Variants in AP1G1 observed in about 807,000 individuals in gnomAD.
The protein encoded by AP1G1 is AP-1 complex subunit gamma-1.
Under a neutral mutation model 108.3 loss-of-function variants are expected in AP1G1, and 7 were observed. That is an observed-to-expected ratio of 0.06 (90% CI 0.04 to 0.12). The LOEUF (loss-of-function observed/expected upper bound fraction) is 0.12. AP1G1 is among the 10% of genes least tolerant of loss of function. AP1G1 has a pLI of 1.00. For synonymous variants in AP1G1, 379 were observed against 353.5 expected, an observed-to-expected ratio of 1.07 and a Z score of -0.81; for missense variants, 756 against 1,010.7, an observed-to-expected ratio of 0.75 and a Z score of 3.42.
At position 71,749,994 on chromosome 16, in the gene AP1G1, A is replaced by T; in HGVS notation, c.1408-11T>A. 1 of 1,604,498 alleles carries T rather than the reference A, an allele frequency of 6.2e-7. No individual in the cohort carries two copies. The highest frequency in any genetic ancestry group is 8.5e-7 in the Non-Finnish European group (1 of 1,171,464). ...TTGTACCAAAGGTTGCTGTGAAAAGAAAAGTCAACGTTTCTCAAGAACTTC... is the reference window on the plus strand; with the variant it reads ...TTGTACCAAAGGTTGCTGTGAAAAGTAAAGTCAACGTTTCTCAAGAACTTC... On this transcript the variant is annotated splice_polypyrimidine_tract_variant and intron_variant, in intron 14 of 22. Coordinates refer to ENST00000299980, the MANE Select transcript of AP1G1 (RefSeq NM_001128.6).
In AP1G1 at chr16:71,729,208, T is replaced by A. The variant is rs1352574418; in HGVS notation, c.*3850A>T. The A allele has an allele frequency of 1.3e-5, 2 of 152,498 alleles. No homozygotes were observed. The highest frequency in any genetic ancestry group is 4.8e-5 in the African/African-American group (2 of 41,404). The allele number at this position is 152,498 out of a possible 1,614,324, so 9.4% of individuals were successfully genotyped here. On this transcript the variant is annotated 3_prime_UTR_variant, in exon 23 of 23. Coordinates refer to ENST00000299980, the MANE Select transcript of AP1G1 (RefSeq NM_001128.6). ...TATGTCTGCAATAATTAGAGCTTCA[T>A]TAGCTGTCCCACTTGGAAACAGCTT...
chr16:71,776,640 T>C (rs2031788455), intron 2 of AP1G1, among the ~76,000 whole-genome samples: 1 of 152,240 alleles, frequency 6.6e-6, no homozygotes, highest in Non-Finnish European at 1.5e-5. Context: ...GTTTTCATCA[T>C]CCTCATTCAA....
chr16:71,786,718 C>T (rs1256707518), intron 2 of AP1G1, among the ~76,000 whole-genome samples: 3 of 152,088 alleles, frequency 2.0e-5, no homozygotes, highest in Admixed American at 2.0e-4. Context: ...CTCGGCCTCC[C>T]AAAGTTCTGG....
intron 3 of AP1G1, 107 bp downstream of exon 3, chr16:71,774,361 G>T: frequency 1.6e-6 from 2 of 1,236,640 alleles, no homozygotes; most frequent in Non-Finnish European, 2.3e-6. Context: ...TCAAGATCAC[G>T]CCACTTCACT....
At chr16:71,754,297 G>A (rs1157087033) in intron 12 of AP1G1, among the ~76,000 whole-genome samples, 2 of 145,646 alleles carry the variant, frequency 1.4e-5, no homozygotes, top group African/African-American at 5.1e-5. Context: ...AAGAAGGAAG[G>A]AAGGAAGGAA....
intron 4 of AP1G1, 73 bp from the exon 5 acceptor site, chr16:71,771,325 C>T (rs1244263944): frequency 2.5e-5 from 21 of 841,962 alleles, no homozygotes; most frequent in Admixed American, 6.1e-5. Context: ...ATTAAAAAAC[C>T]ACCAACACAA....
Position 71,756,075 on chromosome 16 carries a change from C to G in AP1G1, c.1173G>C (p.Ser391=), listed in dbSNP as rs992278396. The change falls in exon 12 of 23, where the codon TCG becomes TCC. Residue 391 remains serine (S), a synonymous_variant. Coordinates refer to ENST00000299980, the MANE Select transcript of AP1G1 (RefSeq NM_001128.6). ...AGTCTGCTTTAAATTCTGGCTCACA[C>G]GAATCCAGAAAATAAAGTAATTCTT... The part of the protein sequence containing the change: ...MMKELLYFLD[S]CEPEFKADCA... 2.5e-6 allele frequency: 4 copies of G among 1,612,776 alleles called. No individual in the cohort carries two copies. The highest frequency in any genetic ancestry group is 3.4e-6 in the Non-Finnish European group (4 of 1,179,418).
At position 71,791,494 on chromosome 16, in the gene AP1G1, T is replaced by G. The variant is rs113657232; in HGVS notation, c.-3-2012A>C. 7.2e-5 allele frequency among the ~76,000 whole-genome samples: 11 copies of G among 152,142 alleles called. 1 individual carries two copies. Among genetic ancestry groups the G allele is most frequent in the African/African-American group, 2.6e-4 (11 of 41,526 alleles). On this transcript the variant is annotated intron_variant, in intron 1 of 22. Coordinates refer to ENST00000299980, the MANE Select transcript of AP1G1 (RefSeq NM_001128.6). ...GTAAAATCTTGTGAAGAATGTTGTA[T>G]GTAGATAGGGAAACGCTGTCTCTAC...
rs1555554276 is a variant in AP1G1, at chr16:71,768,500, C to CCAAAAAAA, written c.642+1122_642+1123insTTTTTTTG. On this transcript the variant is annotated intron_variant, in intron 6 of 22. Transcript: ENST00000299980. The stretch of plus-strand genomic sequence containing the variant: ...TGGGCGACAGAGCCAGACTCCGCCA[C>CCAAAAAAA]AAAAAAAAAAAAAGAGAGAAGGGAG... Among the ~76,000 whole-genome samples, 6 of 83,718 alleles carry CCAAAAAAA rather than the reference C, an allele frequency of 7.2e-5. No individual in the cohort carries two copies. The South Asian group carries it at 3.0e-3, about 42-fold the overall frequency. 54.9% of individuals were successfully genotyped at this position (83,718 alleles called of 152,430 possible). A position where few individuals can be genotyped will look rare whatever the true frequency, so the allele number is the denominator to read the frequency against.
intron 7 of AP1G1, among the ~76,000 whole-genome samples, chr16:71,765,188 A>C (rs2031262542): frequency 6.6e-6 from 1 of 152,170 alleles, no homozygotes; most frequent in African/African-American, 2.4e-5. Context: ...AAAATATACA[A>C]AATGAGCCGG....
chr16:71,736,098 C>CAAAAAAAA (rs1213680207), intron 21 of AP1G1, among the ~76,000 whole-genome samples: 7 of 25,424 alleles, frequency 2.8e-4, no homozygotes, highest in African/African-American at 3.8e-4. Flanking sequence ...GACTCCATCT[C>CAAAAAAAA]AAAAAAAAAA....
At chr16:71,752,141 T>A (rs752485092) in intron 13 of AP1G1, among the ~76,000 whole-genome samples, 1 of 152,002 alleles carries the variant, frequency 6.6e-6, no homozygotes, top group Non-Finnish European at 1.5e-5. Flanking sequence ...AATCACATGA[T>A]CATAAGAGAA....
intron 2 of AP1G1, among the ~76,000 whole-genome samples, chr16:71,779,738 T>C (rs1168348935): frequency 6.6e-6 from 1 of 152,168 alleles, no homozygotes; most frequent in African/African-American, 2.4e-5. Context: ...CTGTAGCAAG[T>C]ACAAATGTTG....
chr16:71,789,566 A>G (rs1468583201), intron 1 of AP1G1, 84 bp from the exon 2 acceptor site: 45 of 1,397,962 alleles, frequency 3.2e-5, no homozygotes, highest in Admixed American at 2.7e-4. Flanking sequence ...TAAATTTTTG[A>G]CTAGTTTTTA....
chr16:71,740,932 C>A (rs936118872), intron 19 of AP1G1, among the ~76,000 whole-genome samples: 2 of 151,850 alleles, frequency 1.3e-5, no homozygotes, highest in Non-Finnish European at 2.9e-5. Flanking sequence ...ATAAAATTTT[C>A]ACACACACAC....
At chr16:71,806,300 A>G (rs1042097753) in intron 1 of AP1G1, among the ~76,000 whole-genome samples, 30 of 152,242 alleles carry the variant, frequency 2.0e-4, no homozygotes, top group Non-Finnish European at 2.2e-4. Context: ...TCAAATATGC[A>G]CTGATCAATG....
chr16:71,798,518 T>C (rs1850294116), intron 1 of AP1G1, among the ~76,000 whole-genome samples: 1 of 151,536 alleles, frequency 6.6e-6, no homozygotes, highest in South Asian at 2.1e-4. Context: ...TCTAAGACAG[T>C]TTCAGAAACC....
At chr16:71,761,395 T>C in intron 10 of AP1G1, 117 bp downstream of exon 10, 1 of 774,024 alleles carries the variant, frequency 1.3e-6, no homozygotes, top group Non-Finnish European at 2.2e-6. Flanking sequence ...AACATAAAAA[T>C]TCTGAGCTAA....
Position 71,746,789 on chromosome 16 carries a change from A to G in AP1G1, c.1626-97T>C, listed in dbSNP as rs577496881. ...TAAGCCAGAATTTTCTGGTTAAAAT[A>G]CTGAAATACTCATTTTTTCTTAATT... On this transcript the variant is annotated intron_variant, in intron 16 of 22. Coordinates refer to ENST00000299980, the MANE Select transcript of AP1G1 (RefSeq NM_001128.6). 2.0e-4 allele frequency: 157 copies of G among 780,970 alleles called. No homozygotes were observed. In the African/African-American group the frequency reaches 2.4e-3, roughly 12 times the overall value. The allele number at this position is 780,970 out of a possible 1,614,324, so 48.4% of individuals were successfully genotyped here. A position where few individuals can be genotyped will look rare whatever the true frequency, so the allele number is the denominator to read the frequency against.
Sources: allele counts gnomAD v4.1 joint callset (sites outside exome capture counted in the v4.1 genomes callset), GRCh38; gene constraint gnomAD v4.1.1; transcripts MANE v1.5; gene names NCBI Gene and HGNC (gene_info 2026-07-23, HGNC 2026-07-21).